The following SLC4A5 variants were observed in gnomAD, a reference collection of about 807,000 sequenced individuals.
The protein encoded by SLC4A5 is electrogenic sodium bicarbonate cotransporter 4.
Under a neutral mutation model 120.4 loss-of-function variants are expected in SLC4A5, and 96 were observed. That is an observed-to-expected ratio of 0.80 (90% CI 0.68 to 0.94). The LOEUF is 0.94. Among genes scored for constraint, SLC4A5 ranks in the 40% least tolerant of loss-of-function variants. SLC4A5 has a pLI of 0.00. For missense variants in SLC4A5, 1,259 were observed against 1,459.5 expected, an observed-to-expected ratio of 0.86 and a Z score of 2.24; for synonymous variants, 550 against 571.1, an observed-to-expected ratio of 0.96 and a Z score of 0.53.
At chr2:74,283,613 G>A (rs931403750) in intron 8 of SLC4A5, among the ~76,000 whole-genome samples, 13 of 152,176 alleles carry the variant, frequency 8.5e-5, no homozygotes, top group Admixed American at 2.6e-4. Context: ...GGAGATGAGC[G>A]AGGGAAGAGC....
intron 21 of SLC4A5, among the ~76,000 whole-genome samples, chr2:74,237,198 G>T (rs775177995): frequency 6.6e-6 from 1 of 152,040 alleles, no homozygotes; most frequent in African/African-American, 2.4e-5. Flanking sequence ...GGATGGTCTC[G>T]ATCTCCTGCC....
intron 19 of SLC4A5, among the ~76,000 whole-genome samples, chr2:74,243,457 C>T (rs1337886981): frequency 6.6e-6 from 1 of 152,198 alleles, no homozygotes; most frequent in Non-Finnish European, 1.5e-5. Context: ...GAAGCTCTAC[C>T]AACCCAGAGG....
At chr2:74,239,025 T>C (rs7561242) in intron 21 of SLC4A5, among the ~76,000 whole-genome samples, 97,709 of 152,128 alleles carry the variant, frequency 0.64, 32,181 homozygotes, top group African/African-American at 0.78. Flanking sequence ...AGAAAGGCAA[T>C]TGGGCATGTG....
At chr2:74,311,729 C>A (rs978227346) in intron 6 of SLC4A5, among the ~76,000 whole-genome samples, 9 of 152,168 alleles carry the variant, frequency 5.9e-5, no homozygotes, top group Middle Eastern at 3.4e-3. Context: ...AGAATGTGGT[C>A]TGTCTTGGTG....
chr2:74,340,754 G>A (rs1040040917), intron 2 of SLC4A5, among the ~76,000 whole-genome samples: 2 of 152,158 alleles, frequency 1.3e-5, no homozygotes. Flanking sequence ...TGACGGGGTT[G>A]AGGACCCTGG....
chr2:74,265,337 G>C, intron 8 of SLC4A5, 73 bp from the exon 9 acceptor site: 1 of 1,550,800 alleles, frequency 6.4e-7, no homozygotes, highest in South Asian at 1.2e-5. Context: ...CTCCCCAAAA[G>C]AGGGGTGTCA....
chr2:74,262,332 G>C, intron 10 of SLC4A5, 100 bp from the exon 11 acceptor site: 2 of 676,130 alleles, frequency 3.0e-6, no homozygotes, highest in Non-Finnish European at 4.9e-6. Flanking sequence ...TGGGTGGCAA[G>C]ACATGTCTCT....
At chr2:74,260,282 T>G (rs532715651) in intron 11 of SLC4A5, among the ~76,000 whole-genome samples, 1 of 152,290 alleles carries the variant, frequency 6.6e-6, no homozygotes, top group Non-Finnish European at 1.5e-5. Flanking sequence ...CCACTCCTGG[T>G]GTCCAGAATG....
chr2:74,291,230 C>T (rs1672157182), intron 7 of SLC4A5, among the ~76,000 whole-genome samples: 1 of 152,210 alleles, frequency 6.6e-6, no homozygotes, highest in Admixed American at 6.5e-5. Context: ...AGTGGAAGCT[C>T]GTCACTTCAG....
chr2:74,251,520 T>C (rs1267119166), intron 16 of SLC4A5, among the ~76,000 whole-genome samples: 1 of 152,096 alleles, frequency 6.6e-6, no homozygotes, highest in African/African-American at 2.4e-5. Context: ...AAAAAGGTAC[T>C]GTTATTGAGT....
chr2:74,229,021 G>A (rs1324456961), intron 25 of SLC4A5, among the ~76,000 whole-genome samples: 4 of 151,854 alleles, frequency 2.6e-5, no homozygotes, highest in East Asian at 3.9e-4. Context: ...AGAGCACTCC[G>A]GAGAGCACAG....
chr2:74,249,598 G>A (rs1202432967), intron 17 of SLC4A5, among the ~76,000 whole-genome samples: 1 of 152,186 alleles, frequency 6.6e-6, no homozygotes. Context: ...CAAGGATAAT[G>A]CTTAGTTTCC....
chr2:74,300,498 T>G (rs1317171662), intron 7 of SLC4A5, among the ~76,000 whole-genome samples: 1 of 152,156 alleles, frequency 6.6e-6, no homozygotes, highest in East Asian at 1.9e-4. Flanking sequence ...AAAAGAGAAA[T>G]GTATGAATTT....
Position 74,264,308 on chromosome 2 carries a change from A to G in SLC4A5, c.563-9T>C. On this transcript the variant is annotated splice_polypyrimidine_tract_variant and intron_variant, in intron 9 of 30. Transcript: ENST00000394019. ...CTTCTCAATGACATCATCTGTGTGGAAAACATACACACCTCATCCCTGTGG... is the reference window on the plus strand; with the variant it reads ...CTTCTCAATGACATCATCTGTGTGGGAAACATACACACCTCATCCCTGTGG... 1 of 1,611,720 alleles carries G rather than the reference A, an allele frequency of 6.2e-7. No homozygotes were observed. Among genetic ancestry groups the G allele is most frequent in the Non-Finnish European group, 8.5e-7 (1 of 1,178,366 alleles).
intron 6 of SLC4A5, chr2:74,306,944 G>T: frequency 1.6e-6 from 1 of 610,370 alleles, no homozygotes; most frequent in Non-Finnish European, 3.0e-6. Flanking sequence ...CCTGGGCCTG[G>T]CACTGTCCCT....
chr2:74,226,858 C>T (rs189458349), intron 27 of SLC4A5, 99 bp downstream of exon 27: 1 of 1,408,290 alleles, frequency 7.1e-7, no homozygotes, highest in South Asian at 1.3e-5. Flanking sequence ...CCACAGCTGA[C>T]AGGAAGGCAG....
chr2:74,329,631 A>C (rs1673301455), intron 4 of SLC4A5, among the ~76,000 whole-genome samples: 1 of 151,670 alleles, frequency 6.6e-6, no homozygotes, highest in South Asian at 2.1e-4. Flanking sequence ...TGAGGTGTAG[A>C]TGGAGGTGGT....
chr2:74,264,262 C>G (rs1671231395), exon 10 of SLC4A5: 1 of 1,614,196 alleles, frequency 6.2e-7, no homozygotes, highest in African/African-American at 1.3e-5. Context: ...GCTCTGGCCG[C>G]AGGAGACCAT....
chr2:74,276,240 TTC>T (rs1424829679), intron 8 of SLC4A5, among the ~76,000 whole-genome samples: 1 of 152,152 alleles, frequency 6.6e-6, no homozygotes, highest in Non-Finnish European at 1.5e-5. Context: ...CTAAAATATT[TTC>T]TGTCTGGCCA....
Sources: gnomAD v4.1 joint callset for allele counts (sites outside exome capture counted in the v4.1 genomes callset) on GRCh38, gnomAD v4.1.1 for gene constraint, MANE v1.5 for transcripts, NCBI Gene and HGNC (gene_info 2026-07-23, HGNC 2026-07-21) for gene names.